FBXO38: variants seen among roughly 807,000 people sequenced by gnomAD.
FBXO38 encodes the protein F-box protein 38.
FBXO38 carries 53 observed loss-of-function variants against 131.9 expected under a neutral mutation model. The observed-to-expected ratio is 0.40, with a 90% confidence interval of 0.32 to 0.51. The LOEUF is 0.51. FBXO38 is among the 20% of genes least tolerant of loss of function. FBXO38 has a pLI of 0.53. For missense variants in FBXO38, 1,076 were observed against 1,475.6 expected (o/e 0.73, Z 4.44); for synonymous variants, 452 against 505.6 (o/e 0.89, Z 1.42).
At chr5:148,438,537 T>C in intron 18 of FBXO38, 39 bp downstream of exon 18, 1 of 1,579,124 alleles carries the variant, frequency 6.3e-7, no homozygotes, top group East Asian at 2.2e-5. Flanking sequence ...ACACATATTG[T>C]GGTGTTTTTC....
chr5:148,440,268 T>C, intron 19 of FBXO38, 156 bp from the exon 20 acceptor site: 1 of 581,918 alleles, frequency 1.7e-6, no homozygotes, highest in Non-Finnish European at 3.1e-6. Flanking sequence ...TTGGATTCTC[T>C]AGTTTGAGTG....
At chr5:148,390,032 G>GAA (rs752637380) in intron 1 of FBXO38, 9 of 122,366 alleles carry the variant, frequency 7.4e-5, no homozygotes, top group Admixed American at 2.4e-4. Context: ...CTGTCTTAAA[G>GAA]AAAAAAAAAA....
intron 12 of FBXO38, 60 bp downstream of exon 12, chr5:148,417,264 TG>T: frequency 8.2e-7 from 1 of 1,215,358 alleles, no homozygotes. Flanking sequence ...ATTGTATTTC[TG>T]GCTTTATCCT....
chr5:148,431,786 G>A (rs895577992), intron 15 of FBXO38, among the ~76,000 whole-genome samples: 7 of 152,174 alleles, frequency 4.6e-5, no homozygotes, highest in Non-Finnish European at 7.3e-5. Context: ...ACGTTGTGTT[G>A]TGTGGTCAAT....
chr5:148,425,725 C>G (rs1039469150), intron 14 of FBXO38, 24 bp downstream of exon 14: 1 of 1,600,878 alleles, frequency 6.2e-7, no homozygotes, highest in Admixed American at 1.7e-5. Flanking sequence ...TTTCTCTGAA[C>G]TATTAATGAG....
In FBXO38 at chr5:148,391,684, C is replaced by T. The variant is rs577219752; in HGVS notation, c.-63-3030C>T. Among the ~76,000 whole-genome samples the T allele has an allele frequency of 1.0e-3, 153 of 152,260 alleles. 1 individual carries two copies. The East Asian group carries it at 0.024, about 24-fold the overall frequency. On this transcript the variant is annotated intron_variant, in intron 1 of 21. Coordinates refer to ENST00000340253, the MANE Select transcript of FBXO38 (RefSeq NM_205836.3). ...TGAGATTAGATTGGAAATATTTTAT[C>T]CTCTGAACCAGGATTCCTTGTAGGC... is the stretch of plus-strand genomic sequence containing the variant.
intron 13 of FBXO38, among the ~76,000 whole-genome samples, chr5:148,424,746 G>A (rs540054775): frequency 7.2e-5 from 11 of 152,222 alleles, no homozygotes. Context: ...TCTTTGAATC[G>A]AAAATATGCT....
At chr5:148,416,770 T>C in intron 11 of FBXO38, 1 of 515,562 alleles carries the variant, frequency 1.9e-6, no homozygotes, top group South Asian at 2.4e-5. Context: ...AGATCTCTTC[T>C]CCTTGCATGA....
chr5:148,436,356 C>T (rs1754348168), intron 17 of FBXO38, among the ~76,000 whole-genome samples: 1 of 152,166 alleles, frequency 6.6e-6, no homozygotes, highest in Admixed American at 6.5e-5. Flanking sequence ...TTGAGCATCT[C>T]TAATCTAAAA....
chr5:148,411,478 A>T (rs1752749774), intron 9 of FBXO38, among the ~76,000 whole-genome samples: 1 of 152,158 alleles, frequency 6.6e-6, no homozygotes, highest in African/African-American at 2.4e-5. Flanking sequence ...TTGAACTCTC[A>T]TCCTCATAGC....
intron 9 of FBXO38, among the ~76,000 whole-genome samples, chr5:148,411,490 G>A (rs1319410879): frequency 1.3e-5 from 2 of 152,028 alleles, no homozygotes; most frequent in African/African-American, 2.4e-5. Flanking sequence ...CCTCATAGCA[G>A]ATAACATTTT....
At chr5:148,405,164 C>A (rs4599524) in intron 6 of FBXO38, among the ~76,000 whole-genome samples, 62,384 of 151,894 alleles carry the variant, frequency 0.41, 14,909 homozygotes, top group African/African-American at 0.66. Context: ...TCCTTAATCT[C>A]CCTTAAACAT....
intron 5 of FBXO38, among the ~76,000 whole-genome samples, chr5:148,404,211 A>T (rs760026894): frequency 6.6e-6 from 1 of 152,214 alleles, no homozygotes; most frequent in Admixed American, 6.5e-5. Flanking sequence ...CCAGATATCT[A>T]TTTGCATATT....
chr5:148,438,524 G>A, intron 18 of FBXO38, 26 bp downstream of exon 18: 2 of 1,602,178 alleles, frequency 1.2e-6, no homozygotes, highest in East Asian at 2.2e-5. Context: ...TCTTTCCGAT[G>A]ATACACATAT....
intron 12 of FBXO38, 171 bp from the exon 13 acceptor site, chr5:148,423,827 C>A: frequency 1.9e-6 from 1 of 518,568 alleles, no homozygotes; most frequent in Non-Finnish European, 3.4e-6. Flanking sequence ...TGATTAAATA[C>A]TTCTTAATAT....
chr5:148,415,156 T>A (rs959264039), intron 10 of FBXO38, among the ~76,000 whole-genome samples: 4 of 152,188 alleles, frequency 2.6e-5, no homozygotes, highest in African/African-American at 9.6e-5. Context: ...TTGGGAAATA[T>A]GAACTTTAGG....
chr5:148,402,522 A>C lies in FBXO38; in HGVS notation c.592+9A>C. On this transcript the variant is annotated intron_variant, in intron 5 of 21. Coordinates refer to ENST00000340253, the MANE Select transcript of FBXO38 (RefSeq NM_205836.3). ...AACTTTACATTTAGTTGGTGAGTAC[A>C]TGTTTCTTGGGTCACTTGTAACTCC... 1.3e-6 allele frequency: 2 copies of C among 1,595,520 alleles called. 1 individual carries two copies. The highest frequency in any genetic ancestry group is 2.2e-5 in the South Asian group (2 of 89,764).
intron 9 of FBXO38, among the ~76,000 whole-genome samples, chr5:148,412,988 C>G (rs182470678): frequency 6.6e-6 from 1 of 152,020 alleles, no homozygotes; most frequent in Non-Finnish European, 1.5e-5. Context: ...TGCAAGACAT[C>G]GATTTGTCAT....
rs1204778370 is a variant in FBXO38, at chr5:148,410,398, AATGTGACTTGCTGCCATCAGTCAAG to A, written c.963-224_963-200del. 4 of 510,878 alleles carry A rather than the reference AATGTGACTTGCTGCCATCAGTCAAG, an allele frequency of 7.8e-6. No homozygotes were observed. In the African/African-American group the frequency reaches 8.1e-5, roughly 10 times the overall value. The allele number at this position is 510,878 out of a possible 1,614,324, so 31.6% of individuals were successfully genotyped here. A position where few individuals can be genotyped will look rare whatever the true frequency, so the allele number is the denominator to read the frequency against. ...TTTTTGCCTGCTGCCATCAGGCAAA[AATGTGACTTGCTGCCATCAGTCAAG>A]ATGTGACTTGCTCCTTTTTGCCTTC... On this transcript the variant is annotated intron_variant, in intron 8 of 21. Transcript: ENST00000340253.
Sources: gnomAD v4.1 joint callset for allele counts (sites outside exome capture counted in the v4.1 genomes callset) on GRCh38, gnomAD v4.1.1 for gene constraint, MANE v1.5 for transcripts, NCBI Gene and HGNC (gene_info 2026-07-23, HGNC 2026-07-21) for gene names.